Variants in TRAP1 observed in about 807,000 individuals in gnomAD.
TRAP1 encodes TNF receptor associated protein 1.
A neutral mutation model predicts 89.1 loss-of-function variants in TRAP1; 102 were observed. That is an observed-to-expected ratio of 1.15 (90% CI 0.98 to 1.35). The LOEUF (loss-of-function observed/expected upper bound fraction) is 1.35. Ranked by LOEUF, TRAP1 falls within the 40% of genes most tolerant of loss-of-function variation. TRAP1 has a pLI of 0.00. For missense variants in TRAP1, 1,256 were observed against 945.3 expected (o/e 1.33, Z -4.31); for synonymous variants, 508 against 388.0 (o/e 1.31, Z -3.64).
intron 2 of TRAP1, among the ~76,000 whole-genome samples, chr16:3,689,548 A>G (rs2051184846): frequency 6.6e-6 from 1 of 152,174 alleles, no homozygotes; most frequent in South Asian, 2.1e-4. Context: ...AGACAGAAAC[A>G]AAGTCTGGCT....
chr16:3,699,249 C>G lies in TRAP1; in HGVS notation c.89-8264G>C, dbSNP rs574692925. 1.8e-4 allele frequency among the ~76,000 whole-genome samples: 27 copies of G among 152,318 alleles called. 1 individual carries two copies. Among genetic ancestry groups the G allele is most frequent in the Non-Finnish European group, 3.7e-4 (25 of 68,028 alleles). ...TTGCTGCAGGGCCTGGCTGCAGGCC[C>G]TCTCTCCCATTCAGGCCTCCCTGGC... is the stretch of plus-strand genomic sequence containing the variant. On this transcript the variant is annotated intron_variant, in intron 1 of 17. Coordinates refer to ENST00000246957, the MANE Select transcript of TRAP1 (RefSeq NM_016292.3).
chr16:3,689,987 C>T (rs1344093999), intron 2 of TRAP1, among the ~76,000 whole-genome samples: 1 of 152,112 alleles, frequency 6.6e-6, no homozygotes, highest in Admixed American at 6.6e-5. Context: ...ACTGGACTGC[C>T]TCTAAGAACC....
chr16:3,711,113 A>G (rs1313424778), intron 1 of TRAP1, among the ~76,000 whole-genome samples: 1 of 151,582 alleles, frequency 6.6e-6, no homozygotes, highest in Non-Finnish European at 1.5e-5. Context: ...CTAAACTCAC[A>G]GGATCCTCCC....
intron 2 of TRAP1, among the ~76,000 whole-genome samples, chr16:3,690,096 T>A (rs1448451942): frequency 2.6e-5 from 4 of 152,096 alleles, no homozygotes; most frequent in African/African-American, 9.7e-5. Context: ...AGCCTCAACT[T>A]CCTGGGCTCA....
In TRAP1 at chr16:3,669,897, ATAACTGCAGAAACACTGAGACAGCCCAGC is replaced by A. The variant is rs1387918228; in HGVS notation, c.1235+1796_1235+1824del. Among the ~76,000 whole-genome samples the A allele has an allele frequency of 2.0e-5, 3 of 151,604 alleles. No individual in the cohort carries two copies. The East Asian group carries it at 5.8e-4, about 29-fold the overall frequency. On this transcript the variant is annotated intron_variant, in intron 11 of 17. Coordinates refer to ENST00000246957, the MANE Select transcript of TRAP1 (RefSeq NM_016292.3). ...AAAGATAAACATGCACTGCAGTGTC[ATAACTGCAGAAACACTGAGACAGCCCAGC>A]TGTGCAGCCCCGAGGGACGGGATCA...
chr16:3,672,607 GGCT>G (rs2050929147), intron 10 of TRAP1, 90 bp downstream of exon 10: 6 of 1,467,352 alleles, frequency 4.1e-6, no homozygotes, highest in Non-Finnish European at 5.4e-6. Context: ...CGCTGCAGAG[GGCT>G]GCTGAGAATG....
intron 9 of TRAP1, 48 bp downstream of exon 9, chr16:3,674,291 G>A: frequency 6.2e-7 from 1 of 1,604,780 alleles, no homozygotes; most frequent in South Asian, 1.1e-5. Context: ...ATGCCACAGG[G>A]GACAACAGAG....
intron 13 of TRAP1, 193 bp downstream of exon 13, chr16:3,664,081 C>A: frequency 3.4e-6 from 2 of 593,304 alleles, no homozygotes; most frequent in Non-Finnish European, 5.5e-6. Context: ...AAAAAACAAA[C>A]AAAAAAAACC....
At chr16:3,660,875 G>A (rs2043034541) in intron 16 of TRAP1, 1 of 152,120 alleles carries the variant, frequency 6.6e-6, no homozygotes, top group African/African-American at 2.4e-5. Flanking sequence ...AGTGAGCTGA[G>A]ATTGCCCCAC....
At position 3,710,879 on chromosome 16, in the gene TRAP1, A is replaced by ATATATATATTT. The variant is rs71133652; in HGVS notation, c.88+6541_88+6542insAAATATATATA. Among the ~76,000 whole-genome samples the ATATATATATTT allele has an allele frequency of 8.6e-4, 108 of 125,770 alleles. 1 individual carries two copies. Among genetic ancestry groups the ATATATATATTT allele is most frequent in the Admixed American group, 5.2e-3 (62 of 12,038 alleles). The allele number at this position is 125,770 out of a possible 152,430, so 82.5% of individuals were successfully genotyped here. A position where few individuals can be genotyped will look rare whatever the true frequency, so the allele number is the denominator to read the frequency against. On this transcript the variant is annotated intron_variant, in intron 1 of 17. Transcript: ENST00000246957. ...TGTGTATATATATATATATATATAT[A>ATATATATATTT]TTTTTTTTTTTGAGACACTGTCACT...
rs1173210918 is a variant in TRAP1 at position 3,663,104 on chromosome 16, T to G, written c.1709-137A>C. 10 of 735,616 alleles carry G rather than the reference T, an allele frequency of 1.4e-5. No homozygotes were observed. The South Asian group carries it at 1.7e-4, about 12-fold the overall frequency. 45.6% of individuals were successfully genotyped at this position (735,616 alleles called of 1,614,324 possible). Reference sequence around the variant, plus strand: ...ACACAAGCTAGCAAGATGCTTTTCATCTAAAAGTAAAACCTCAAAGGATGC... The same window carrying G: ...ACACAAGCTAGCAAGATGCTTTTCAGCTAAAAGTAAAACCTCAAAGGATGC... On this transcript the variant is annotated intron_variant, in intron 14 of 17. Coordinates refer to ENST00000246957, the MANE Select transcript of TRAP1 (RefSeq NM_016292.3).
At chr16:3,676,336 G>A (rs932125265) in intron 6 of TRAP1, 191 bp from the exon 7 acceptor site, 8 of 276,408 alleles carry the variant, frequency 2.9e-5, no homozygotes, top group South Asian at 6.9e-5. Context: ...TGAGCCTGTC[G>A]CAGGCGGCAG....
rs758474019 is a variant in TRAP1, at chr16:3,663,484, C to T, written c.1648G>A (p.Val550Met). The part of the protein sequence containing the change: ...REFDKKKLIS[V>M]ETDIVVDHYK... ...TGATCCACGACTATGTCCGTCTCCACAGAGATCAGCTTCTTCTTGTCAAAC... is the reference window on the plus strand; with the variant it reads ...TGATCCACGACTATGTCCGTCTCCATAGAGATCAGCTTCTTCTTGTCAAAC... The change falls in exon 14 of 18, where the codon GTG becomes ATG. Residue 550 changes from valine (V) to methionine (M), a missense_variant. Physicochemically the swap from Val to Met is conservative, Grantham distance 21. Coordinates refer to ENST00000246957, the MANE Select transcript of TRAP1 (RefSeq NM_016292.3). The T allele has an allele frequency of 6.2e-7, 1 of 1,614,196 alleles. No individual in the cohort carries two copies. The highest frequency in any genetic ancestry group is 8.5e-7 in the Non-Finnish European group (1 of 1,180,038).
chr16:3,690,787 C>T (rs771372696), intron 2 of TRAP1, 40 bp downstream of exon 2: 2 of 1,349,246 alleles, frequency 1.5e-6, no homozygotes, highest in East Asian at 2.8e-5. Context: ...CAGCAGTGAA[C>T]CAAAAAGCCC....
At chr16:3,662,615 G>A in intron 15 of TRAP1, 1 of 654,164 alleles carries the variant, frequency 1.5e-6, no homozygotes, top group Non-Finnish European at 2.8e-6. Flanking sequence ...CTCAGCCATT[G>A]CAGCTCCCAC....
intron 15 of TRAP1, 36 bp downstream of exon 15, chr16:3,662,846 C>T (rs763297530): frequency 2.6e-5 from 42 of 1,603,936 alleles, no homozygotes; most frequent in South Asian, 1.5e-4. Context: ...AGGGACACTG[C>T]GGCCAAGTGG....
intron 8 of TRAP1, 100 bp downstream of exon 8, chr16:3,675,224 C>A: frequency 8.4e-7 from 1 of 1,195,000 alleles, no homozygotes; most frequent in Non-Finnish European, 1.2e-6. Context: ...CGCCCTGTGA[C>A]TCTGGGCCGC....
intron 4 of TRAP1, among the ~76,000 whole-genome samples, chr16:3,681,170 C>T (rs947884861): frequency 3.3e-5 from 5 of 152,156 alleles, no homozygotes; most frequent in Non-Finnish European, 2.9e-5. Context: ...GAGCTCACTC[C>T]AAGCCTCCAC....
intron 1 of TRAP1, among the ~76,000 whole-genome samples, chr16:3,699,247 C>A (rs2051332270): frequency 1.3e-5 from 2 of 152,174 alleles, no homozygotes; most frequent in Non-Finnish European, 2.9e-5. Context: ...TGGCTGCAGG[C>A]CCTCTCTCCC....
Sources: allele counts gnomAD v4.1 joint callset (sites outside exome capture counted in the v4.1 genomes callset), GRCh38; gene constraint gnomAD v4.1.1; transcripts MANE v1.5; gene names NCBI Gene and HGNC (gene_info 2026-07-23, HGNC 2026-07-21).